CLEC2A: variants seen among roughly 807,000 people sequenced by gnomAD.
CLEC2A encodes the protein keratinocyte-associated C-type lectin.
CLEC2A carries 19 observed loss-of-function variants against 18.6 expected under a neutral mutation model. The observed-to-expected ratio is 1.02, with a 90% confidence interval of 0.71 to 1.50. The LOEUF (loss-of-function observed/expected upper bound fraction) is 1.50. Among genes scored for constraint, CLEC2A ranks in the 40% most tolerant of loss-of-function variants. CLEC2A has a pLI of 0.00. For missense variants in CLEC2A, 190 were observed against 207.9 expected (o/e 0.91, Z 0.53); for synonymous variants, 74 against 64.0 (o/e 1.16, Z -0.75).
chr12:9,913,391 C>T lies in CLEC2A; in HGVS notation c.*175G>A, dbSNP rs1423314282. 1 of 1,178,772 alleles carries T rather than the reference C, an allele frequency of 8.5e-7. No homozygotes were observed. Among genetic ancestry groups the T allele is most frequent in the East Asian group, 2.8e-5 (1 of 35,758 alleles). 73.0% of individuals were successfully genotyped at this position (1,178,772 alleles called of 1,614,324 possible). On this transcript the variant is annotated 3_prime_UTR_variant, in exon 5 of 5. Transcript: ENST00000455827. The stretch of plus-strand genomic sequence containing the variant: ...CTTATAAAAGGCTCCAGAGAACGGC[C>T]TTGTCTCTTTAACCATGGCAGGGCA...
In CLEC2A at chr12:9,913,464, G is replaced by T; in HGVS notation, c.*102C>A. ...AACTAGAAAATGGGCCCTCACCAGA[G>T]GTTCCGTATTCTGTAACAGAATAAG... On this transcript the variant is annotated 3_prime_UTR_variant, in exon 5 of 5. Coordinates refer to ENST00000455827, the MANE Select transcript of CLEC2A (RefSeq NM_001130711.2). The T allele has an allele frequency of 6.9e-7, 1 of 1,441,544 alleles. No individual in the cohort carries two copies. Among genetic ancestry groups the T allele is most frequent in the East Asian group, 2.6e-5 (1 of 39,152 alleles). The allele number at this position is 1,441,544 out of a possible 1,614,324, so 89.3% of individuals were successfully genotyped here.
At chr12:9,889,519 A>C in the CLEC2A span, among the ~76,000 whole-genome samples, 1 of 152,128 alleles carries the variant, frequency 6.6e-6, no homozygotes, top group Non-Finnish European at 1.5e-5. Context: ...CTTCCTTCAG[A>C]CTGAAGATAT....
At chr12:9,932,056 CT>C (rs1366582135) in intron 1 of CLEC2A, among the ~76,000 whole-genome samples, 1 of 152,158 alleles carries the variant, frequency 6.6e-6, no homozygotes, top group Non-Finnish European at 1.5e-5. Flanking sequence ...CCATAAAATT[CT>C]GCCCCAAAAC....
At chr12:9,880,594 T>C in the CLEC2A span, among the ~76,000 whole-genome samples, 1 of 152,098 alleles carries the variant, frequency 6.6e-6, no homozygotes, top group Non-Finnish European at 1.5e-5. Context: ...TTATGGAGGC[T>C]GGTAAGTCAA....
At chr12:9,900,285 C>A (rs1200796962) in intron 4 of CLEC2A, among the ~76,000 whole-genome samples, 2 of 152,192 alleles carry the variant, frequency 1.3e-5, no homozygotes, top group South Asian at 2.1e-4. Context: ...CCAGACATTG[C>A]TGGTTGCTTC....
chr12:9,895,783 A>C (rs1862749819), downstream of CLEC2A: 3 of 1,535,732 alleles, frequency 2.0e-6, no homozygotes, highest in Non-Finnish European at 2.6e-6. Context: ...ATTTAAGGGC[A>C]TTTGCCAGAG....
chr12:9,909,483 T>C (rs890193804), downstream of CLEC2A, among the ~76,000 whole-genome samples: 2 of 151,884 alleles, frequency 1.3e-5, no homozygotes, highest in African/African-American at 4.8e-5. Flanking sequence ...ATAACTGGGG[T>C]CCTAGAAATT....
Position 9,906,024 on chromosome 12 carries a change from T to A in CLEC2A, c.411-7048A>T, listed in dbSNP as rs2104268. ...TTTCTTGGAGCCCACTTATTAGTTT[T>A]GTTTTTTTTTTTTTTACATATTAGA... On this transcript the variant is annotated intron_variant, in intron 4 of 4. Coordinates refer to the CLEC2A transcript ENST00000339766. 7.3e-3 allele frequency among the ~76,000 whole-genome samples: 341 copies of A among 46,950 alleles called. 1 individual carries two copies. The highest frequency in any genetic ancestry group is 0.036 in the Middle Eastern group (3 of 84). 30.8% of individuals were successfully genotyped at this position (46,950 alleles called of 152,430 possible).
At chr12:9,918,093 T>G (rs1218201074) in intron 3 of CLEC2A, among the ~76,000 whole-genome samples, 1 of 152,204 alleles carries the variant, frequency 6.6e-6, no homozygotes, top group East Asian at 1.9e-4. Flanking sequence ...CAGAAACTCT[T>G]AAGTTTAATT....
In CLEC2A at chr12:9,913,350, T is replaced by A; in HGVS notation, c.*216A>T. 1 of 662,026 alleles carries A rather than the reference T, an allele frequency of 1.5e-6. No homozygotes were observed. Among genetic ancestry groups the A allele is most frequent in the South Asian group, 2.4e-5 (1 of 40,944 alleles). 41.0% of individuals were successfully genotyped at this position (662,026 alleles called of 1,614,324 possible). A position where few individuals can be genotyped will look rare whatever the true frequency, so the allele number is the denominator to read the frequency against. On this transcript the variant is annotated 3_prime_UTR_variant, in exon 5 of 5. Coordinates refer to ENST00000455827, the MANE Select transcript of CLEC2A (RefSeq NM_001130711.2). ...TTAGTTCATGAGGATGGAGCCATAGTAAATGTGATTGTGCCCTTATAAAAG... is the reference window on the plus strand; with the variant it reads ...TTAGTTCATGAGGATGGAGCCATAGAAAATGTGATTGTGCCCTTATAAAAG...
chr12:9,904,420 A>G (rs1390949581), intron 4 of CLEC2A, among the ~76,000 whole-genome samples: 1 of 152,158 alleles, frequency 6.6e-6, no homozygotes, highest in Non-Finnish European at 1.5e-5. Context: ...TGCAGATGGA[A>G]TATTTAATCC....
At chr12:9,910,554 T>G (rs1370454717), downstream of CLEC2A, among the ~76,000 whole-genome samples, 1 of 152,194 alleles carries the variant, frequency 6.6e-6, no homozygotes, top group East Asian at 1.9e-4. Context: ...TTTTACTGGA[T>G]GTTTCTTGCA....
the CLEC2A span, among the ~76,000 whole-genome samples, chr12:9,879,979 G>A: frequency 6.6e-6 from 1 of 152,138 alleles, no homozygotes; most frequent in Admixed American, 6.5e-5. Context: ...CCTATGACCC[G>A]GGTTGGGGAT....
the CLEC2A span, among the ~76,000 whole-genome samples, chr12:9,883,294 TTA>T: frequency 6.6e-6 from 1 of 152,148 alleles, no homozygotes; most frequent in Non-Finnish European, 1.5e-5. Flanking sequence ...AATAATACAA[TTA>T]GTGTTCTTGC....
At chr12:9,917,123 A>T (rs1035984281) in intron 3 of CLEC2A, among the ~76,000 whole-genome samples, 9 of 152,172 alleles carry the variant, frequency 5.9e-5, no homozygotes, top group African/African-American at 2.2e-4. Flanking sequence ...ATATAAATAT[A>T]ATTTACTGCA....
chr12:9,878,796 C>G, the CLEC2A span, among the ~76,000 whole-genome samples: 1 of 152,092 alleles, frequency 6.6e-6, no homozygotes, highest in Non-Finnish European at 1.5e-5. Context: ...AGTGAGGAGG[C>G]TAGGCAGTCA....
chr12:9,908,682 C>A (rs966359365), downstream of CLEC2A, among the ~76,000 whole-genome samples: 1 of 152,158 alleles, frequency 6.6e-6, no homozygotes, highest in Non-Finnish European at 1.5e-5. Context: ...TTTTCCCATG[C>A]GGGACATTCC....
chr12:9,889,596 C>T, the CLEC2A span, among the ~76,000 whole-genome samples: 3 of 151,902 alleles, frequency 2.0e-5, no homozygotes, highest in African/African-American at 7.3e-5. Context: ...TGCCTGCCCC[C>T]ACAATTATAT....
At chr12:9,916,267 G>A (rs1456645868) in intron 4 of CLEC2A, among the ~76,000 whole-genome samples, 1 of 152,040 alleles carries the variant, frequency 6.6e-6, no homozygotes, top group South Asian at 2.1e-4. Context: ...TATTCATTGT[G>A]GTGGGCATTT....
Sources: gnomAD v4.1 joint callset for allele counts (sites outside exome capture counted in the v4.1 genomes callset) on GRCh38, gnomAD v4.1.1 for gene constraint, MANE v1.5 for transcripts, NCBI Gene and HGNC (gene_info 2026-07-23, HGNC 2026-07-21) for gene names.